Variants in ADAMTS17 observed in about 807,000 individuals in gnomAD.
The protein encoded by ADAMTS17 is A disintegrin and metalloproteinase with thrombospondin motifs 17.
ADAMTS17 carries 113 observed loss-of-function variants against 141.5 expected under a neutral mutation model. The ratio of observed to expected loss-of-function variants is 0.80; its 90% CI spans 0.69 to 0.93. The LOEUF (loss-of-function observed/expected upper bound fraction) is 0.93, where lower values mean the gene tolerates loss of function less well. ADAMTS17 is among the 40% of genes least tolerant of loss of function. The pLI is 0.00. For missense variants in ADAMTS17, 1,659 were observed against 1,517.9 expected (o/e 1.09, Z -1.54); for synonymous variants, 768 against 630.6 (o/e 1.22, Z -3.27).
At chr15:100,174,415 T>C (rs1305417764) in intron 8 of ADAMTS17, among the ~76,000 whole-genome samples, 1 of 152,172 alleles carries the variant, frequency 6.6e-6, no homozygotes, top group East Asian at 1.9e-4. Flanking sequence ...CCCTAGTTTG[T>C]GCGACTCTGT....
chr15:100,339,233 A>G, intron 2 of ADAMTS17: 1 of 879,468 alleles, frequency 1.1e-6, no homozygotes, highest in Non-Finnish European at 1.4e-6. Flanking sequence ...GATGCCATCT[A>G]TGACAGGGCC....
rs1046918546 is a variant in ADAMTS17, at chr15:100,081,298, C to G, written c.2137+15058G>C. ...CTCTCCTTGCTCCTCAGCTTGCGGACAGCCTATTGTGGGATGTTGTGATTA... is the reference window on the plus strand; with the variant it reads ...CTCTCCTTGCTCCTCAGCTTGCGGAGAGCCTATTGTGGGATGTTGTGATTA... On this transcript the variant is annotated intron_variant, in intron 15 of 21. Coordinates refer to ENST00000268070, the MANE Select transcript of ADAMTS17 (RefSeq NM_139057.4). Among the ~76,000 whole-genome samples, 5 of 152,290 alleles carry G rather than the reference C, an allele frequency of 3.3e-5. No individual in the cohort carries two copies. In the South Asian group the frequency reaches 6.2e-4, roughly 19 times the overall value.
intron 4 of ADAMTS17, among the ~76,000 whole-genome samples, chr15:100,263,871 G>T (rs1326957933): frequency 6.6e-6 from 1 of 152,202 alleles, no homozygotes; most frequent in African/African-American, 2.4e-5. Flanking sequence ...AGCATCAGCA[G>T]CAAGCGTTAA....
intron 3 of ADAMTS17, among the ~76,000 whole-genome samples, chr15:100,320,394 G>A (rs572066202): frequency 2.0e-5 from 3 of 152,330 alleles, no homozygotes; most frequent in Middle Eastern, 3.4e-3. Context: ...TGCACAGAGA[G>A]AAGGCAGAGC....
At chr15:100,140,859 T>G (rs138939898) in intron 10 of ADAMTS17, among the ~76,000 whole-genome samples, 1 of 152,156 alleles carries the variant, frequency 6.6e-6, no homozygotes, top group Non-Finnish European at 1.5e-5. Flanking sequence ...CTCAGCGACA[T>G]GCCGTTCCCT....
At chr15:100,117,947 C>G (rs2037242804) in intron 12 of ADAMTS17, among the ~76,000 whole-genome samples, 1 of 152,228 alleles carries the variant, frequency 6.6e-6, no homozygotes, top group African/African-American at 2.4e-5. Context: ...CAAATGTCAT[C>G]TGGACACATT....
chr15:100,143,159 G>A (rs2038739086), intron 10 of ADAMTS17, among the ~76,000 whole-genome samples: 1 of 152,200 alleles, frequency 6.6e-6, no homozygotes, highest in South Asian at 2.1e-4. Flanking sequence ...TCTCTCATGT[G>A]AGAAAGCGGT....
intron 3 of ADAMTS17, among the ~76,000 whole-genome samples, chr15:100,282,682 A>G (rs1042120347): frequency 2.6e-5 from 4 of 152,254 alleles, no homozygotes; most frequent in Non-Finnish European, 4.4e-5. Flanking sequence ...CTGTATTATG[A>G]AATAATCTGA....
chr15:100,153,501 G>A (rs999701172), intron 9 of ADAMTS17, among the ~76,000 whole-genome samples: 1 of 152,122 alleles, frequency 6.6e-6, no homozygotes, highest in African/African-American at 2.4e-5. Flanking sequence ...AATTAGCCAG[G>A]CATGGTTGTA....
chr15:100,198,683 C>T lies in ADAMTS17; in HGVS notation c.1181+635G>A, dbSNP rs185134638. ...GTTTGAGCGTCGTCTGGCTTTCTGC[C>T]GCTTGAGGCTTCCTACAGATGGTCA... On this transcript the variant is annotated intron_variant, in intron 8 of 21. Transcript: ENST00000268070. Among the ~76,000 whole-genome samples the T allele has an allele frequency of 1.2e-3, 188 of 152,296 alleles. 3 individuals are homozygous for T. Among genetic ancestry groups the T allele is most frequent in the African/African-American group, 3.7e-3 (154 of 41,556 alleles).
chr15:100,142,971 A>G (rs1388166782), intron 10 of ADAMTS17, among the ~76,000 whole-genome samples: 3 of 152,232 alleles, frequency 2.0e-5, no homozygotes, highest in African/African-American at 7.2e-5. Context: ...GCAACTAACA[A>G]GAAGAGTGTA....
intron 8 of ADAMTS17, among the ~76,000 whole-genome samples, chr15:100,170,033 C>T (rs2040101578): frequency 6.6e-6 from 1 of 152,064 alleles, no homozygotes; most frequent in African/African-American, 2.4e-5. Context: ...CCTGTGCCTA[C>T]CCTCTGACTT....
intron 18 of ADAMTS17, among the ~76,000 whole-genome samples, chr15:100,016,812 G>C (rs1268374403): frequency 6.6e-6 from 1 of 152,222 alleles, no homozygotes; most frequent in Non-Finnish European, 1.5e-5. Flanking sequence ...AGCTTTGGTG[G>C]TTTAGTATTC....
chr15:100,216,694 G>T (rs762872889), intron 7 of ADAMTS17, among the ~76,000 whole-genome samples: 2 of 152,146 alleles, frequency 1.3e-5, no homozygotes, highest in African/African-American at 4.8e-5. Flanking sequence ...CCAAGCTACC[G>T]GGATGCTTTA....
intron 18 of ADAMTS17, among the ~76,000 whole-genome samples, chr15:100,028,004 T>C (rs1283820680): frequency 6.6e-6 from 1 of 152,018 alleles, no homozygotes; most frequent in Non-Finnish European, 1.5e-5. Flanking sequence ...CCCAGAGAAG[T>C]CACATGACAG....
At chr15:100,060,116 G>A (rs1374677102) in intron 15 of ADAMTS17, among the ~76,000 whole-genome samples, 1 of 152,238 alleles carries the variant, frequency 6.6e-6, no homozygotes, top group Admixed American at 6.5e-5. Context: ...GACTCCCCCA[G>A]TGATTTGATT....
intron 12 of ADAMTS17, among the ~76,000 whole-genome samples, chr15:100,130,095 T>C (rs1323074614): frequency 6.6e-6 from 1 of 152,190 alleles, no homozygotes; most frequent in Non-Finnish European, 1.5e-5. Flanking sequence ...TTGGGCATGG[T>C]GGCTCACACC....
intron 7 of ADAMTS17, among the ~76,000 whole-genome samples, chr15:100,201,189 C>G (rs927276079): frequency 6.6e-6 from 1 of 152,180 alleles, no homozygotes; most frequent in Non-Finnish European, 1.5e-5. Flanking sequence ...AATCTCATCT[C>G]AAATTGTAAT....
At chr15:100,244,702 C>T (rs190693673) in intron 7 of ADAMTS17, among the ~76,000 whole-genome samples, 117 of 152,222 alleles carry the variant, frequency 7.7e-4, no homozygotes, top group Middle Eastern at 3.4e-3. Flanking sequence ...GAGCCCTTCC[C>T]TGGCTCTCAG....
Sources: allele counts gnomAD v4.1 joint callset (sites outside exome capture counted in the v4.1 genomes callset), GRCh38; gene constraint gnomAD v4.1.1; transcripts MANE v1.5; gene names NCBI Gene and HGNC (gene_info 2026-07-23, HGNC 2026-07-21).